SMAD4: variants seen among roughly 807,000 people sequenced by gnomAD.
The protein encoded by SMAD4 is MAD homolog 4.
In SMAD4, 7 loss-of-function variants were observed where a neutral mutation model predicts 63.2. That is an observed-to-expected ratio of 0.11 (90% CI 0.06 to 0.21). The LOEUF is 0.21. SMAD4 is among the 10% of genes least tolerant of loss of function. The pLI is 1.00. For synonymous variants in SMAD4, 215 were observed against 235.4 expected, an observed-to-expected ratio of 0.91 and a Z score of 0.79; for missense variants, 312 against 693.8, an observed-to-expected ratio of 0.45 and a Z score of 6.18.
At chr18:51,064,651 C>T (rs1341378627) in intron 8 of SMAD4, among the ~76,000 whole-genome samples, 5 of 152,194 alleles carry the variant, frequency 3.3e-5, no homozygotes, top group East Asian at 3.8e-4. Flanking sequence ...CAGAGTAGCA[C>T]CTCTTTTTTC....
intron 1 of SMAD4, among the ~76,000 whole-genome samples, chr18:51,034,226 C>G (rs1007490215): frequency 8.0e-5 from 12 of 150,868 alleles, no homozygotes; most frequent in African/African-American, 2.9e-4. Context: ...CCCTTTCTCC[C>G]TTTTTCTTCT....
Position 51,067,247 on chromosome 18 carries a change from T to C in SMAD4, c.1308+60T>C, listed in dbSNP as rs139741673. Reference sequence around the variant, plus strand: ...AAAGCTCTATTTGTTGTCAAAAGAATTGAAATCTGGGTGGAAGGAATGGAA... The same window carrying C: ...AAAGCTCTATTTGTTGTCAAAAGAACTGAAATCTGGGTGGAAGGAATGGAA... On this transcript the variant is annotated intron_variant, in intron 10 of 11. Coordinates refer to ENST00000342988, the MANE Select transcript of SMAD4 (RefSeq NM_005359.6). 1,238 of 965,448 alleles carry C rather than the reference T, an allele frequency of 1.3e-3. 23 individuals carry two copies. The East Asian group carries it at 0.023, about 18-fold the overall frequency. The allele number at this position is 965,448 out of a possible 1,614,324, so 59.8% of individuals were successfully genotyped here.
intron 8 of SMAD4, among the ~76,000 whole-genome samples, chr18:51,062,830 T>G (rs1910050517): frequency 6.8e-6 from 1 of 148,144 alleles, no homozygotes; most frequent in African/African-American, 2.5e-5. Flanking sequence ...CCCTAAACAG[T>G]CTAGTAATCT....
Position 51,082,882 on chromosome 18 carries a change from A to G in SMAD4, c.*4415A>G, listed in dbSNP as rs1055697791. The G allele has an allele frequency of 3.1e-5, 7 of 227,634 alleles. No homozygotes were observed. The Admixed American group carries it at 4.0e-4, about 13-fold the overall frequency. The allele number at this position is 227,634 out of a possible 1,614,324, so 14.1% of individuals were successfully genotyped here. A position where few individuals can be genotyped will look rare whatever the true frequency, so the allele number is the denominator to read the frequency against. On this transcript the variant is annotated 3_prime_UTR_variant, in exon 12 of 12. Coordinates refer to ENST00000342988, the MANE Select transcript of SMAD4 (RefSeq NM_005359.6). ...ACTGCCTAGGCAAGGAAACCAGATAACCAAACTTACTAGAACGTTCTTTAA... is the reference window on the plus strand; with the variant it reads ...ACTGCCTAGGCAAGGAAACCAGATAGCCAAACTTACTAGAACGTTCTTTAA...
In SMAD4 at chr18:51,078,383, T is replaced by C. The variant is rs1348285377; in HGVS notation, c.1575T>C (p.Ile525=). The change falls in exon 12 of 12, where the codon ATT becomes ATC. Residue 525 remains isoleucine, a synonymous_variant. Transcript: ENST00000342988. ...GCATCAAAGAAACACCTTGCTGGAT[T>C]GAAATTCACTTACACCGGGCCCTCC... ...RQSIKETPCW[I]EIHLHRALQL... 6.2e-7 allele frequency: 1 copy of C among 1,614,186 alleles called. No individual in the cohort carries two copies. The highest frequency in any genetic ancestry group is 2.2e-5 in the East Asian group (1 of 44,888).
chr18:51,065,741 ACT>A, intron 9 of SMAD4, 135 bp downstream of exon 9: 1 of 686,794 alleles, frequency 1.5e-6, no homozygotes, highest in Non-Finnish European at 2.3e-6. Flanking sequence ...CATGTTGAAA[ACT>A]CAGAATTTGT....
intron 5 of SMAD4, among the ~76,000 whole-genome samples, chr18:51,055,635 T>C (rs1909825238): frequency 6.6e-6 from 1 of 152,146 alleles, no homozygotes. Context: ...ATGACCTGGT[T>C]CTGTTACTTA....
intron 1 of SMAD4, among the ~76,000 whole-genome samples, chr18:51,030,897 G>A (rs1368263656): frequency 6.6e-6 from 1 of 152,050 alleles, no homozygotes; most frequent in Non-Finnish European, 1.5e-5. Context: ...GACTCCTGCC[G>A]CGGCCGCCGC....
In SMAD4 at chr18:51,038,970, G is replaced by C. The variant is rs528960044; in HGVS notation, c.-127-7950G>C. ...AAACATACAAAAATTAGCTGGGCAT[G>C]GTGGTACATGTCTGTAATCCCAGCT... On this transcript the variant is annotated intron_variant, in intron 1 of 11. Transcript: ENST00000342988. Among the ~76,000 whole-genome samples, 70 of 152,276 alleles carry C rather than the reference G, an allele frequency of 4.6e-4. 1 individual carries two copies. The highest frequency in any genetic ancestry group is 1.6e-3 in the African/African-American group (68 of 41,560).
At chr18:51,060,474 A>G (rs1265145141) in intron 8 of SMAD4, among the ~76,000 whole-genome samples, 3 of 152,220 alleles carry the variant, frequency 2.0e-5, no homozygotes, top group Admixed American at 6.5e-5. Context: ...TTGTAACACA[A>G]ACATAGATTT....
intron 1 of SMAD4, among the ~76,000 whole-genome samples, chr18:51,036,720 C>T (rs1439563916): frequency 6.6e-6 from 1 of 152,050 alleles, no homozygotes; most frequent in Admixed American, 6.5e-5. Context: ...CTAACAGTAC[C>T]TCAGACTTCC....
chr18:51,082,992 T>C lies in SMAD4; in HGVS notation c.*4525T>C, dbSNP rs1000730561. On this transcript the variant is annotated 3_prime_UTR_variant, in exon 12 of 12. Coordinates refer to ENST00000342988, the MANE Select transcript of SMAD4 (RefSeq NM_005359.6). Reference sequence around the variant, plus strand: ...GACCTCATTGTATTGGCATTTGATATCAGTTTGATGTAGCTTAGAGTGCTT... The same window carrying C: ...GACCTCATTGTATTGGCATTTGATACCAGTTTGATGTAGCTTAGAGTGCTT... 1.8e-5 allele frequency: 4 copies of C among 225,784 alleles called. No homozygotes were observed. In the South Asian group the frequency reaches 5.5e-4, roughly 31 times the overall value. 14.0% of individuals were successfully genotyped at this position (225,784 alleles called of 1,614,324 possible). A position where few individuals can be genotyped will look rare whatever the true frequency, so the allele number is the denominator to read the frequency against.
intron 1 of SMAD4, among the ~76,000 whole-genome samples, chr18:51,041,642 CCAGT>C (rs1362495642): frequency 6.6e-6 from 1 of 152,138 alleles, no homozygotes; most frequent in African/African-American, 2.4e-5. Flanking sequence ...ATGACTTTGG[CCAGT>C]CAAACATGAG....
intron 10 of SMAD4, among the ~76,000 whole-genome samples, chr18:51,071,701 C>T (rs375625887): frequency 6.6e-6 from 1 of 152,170 alleles, no homozygotes. Flanking sequence ...CAACATTGTG[C>T]AGTCATTACT....
rs981052923 is a variant in SMAD4 at position 51,030,374 on chromosome 18, G to T, written c.-377G>T. On this transcript the variant is annotated 5_prime_UTR_variant, in exon 1 of 12. Coordinates refer to ENST00000342988, the MANE Select transcript of SMAD4 (RefSeq NM_005359.6). ...TCCCCTAGGCTCCGCGGCCGCCCAG[G>T]GGGTGGGAGCGGGTGAGGGGAGCCA... The T allele has an allele frequency of 6.6e-6, 1 of 151,900 alleles. No individual in the cohort carries two copies. The highest frequency in any genetic ancestry group is 2.4e-5 in the African/African-American group (1 of 41,264). 9.4% of individuals were successfully genotyped at this position (151,900 alleles called of 1,614,324 possible). A position where few individuals can be genotyped will look rare whatever the true frequency, so the allele number is the denominator to read the frequency against.
chr18:51,071,893 C>T (rs921150995), intron 10 of SMAD4, among the ~76,000 whole-genome samples: 24 of 152,188 alleles, frequency 1.6e-4, no homozygotes. Flanking sequence ...TTATGACTTA[C>T]TTCTTTTCAC....
At chr18:51,041,089 C>A (rs1402094185) in intron 1 of SMAD4, among the ~76,000 whole-genome samples, 1 of 152,144 alleles carries the variant, frequency 6.6e-6, no homozygotes. Context: ...GCCCATGCCC[C>A]AGTCTAGGAT....
intron 4 of SMAD4, chr18:51,052,471 C>G (rs1397126828): frequency 5.9e-6 from 1 of 168,182 alleles, no homozygotes; most frequent in Non-Finnish European, 1.3e-5. Context: ...ATCCCAAGTA[C>G]TAGAACAGTA....
rs200386455 is a variant in SMAD4 at position 51,059,923 on chromosome 18, G to A, written c.955+7G>A. 64 of 1,603,136 alleles carry A rather than the reference G, an allele frequency of 4.0e-5. No homozygotes were observed. Among genetic ancestry groups the A allele is most frequent in the South Asian group, 2.7e-4 (25 of 90,912 alleles). ...CCCATTTCCAATCATCCTGGTAAGT[G>A]TATTTCAAAATTGATTTCCTGTATT... is the stretch of plus-strand genomic sequence containing the variant. On this transcript the variant is annotated splice_region_variant and intron_variant, in intron 8 of 11. Coordinates refer to ENST00000342988, the MANE Select transcript of SMAD4 (RefSeq NM_005359.6).
Sources: gnomAD v4.1 joint callset for allele counts (sites outside exome capture counted in the v4.1 genomes callset) on GRCh38, gnomAD v4.1.1 for gene constraint, MANE v1.5 for transcripts, NCBI Gene and HGNC (gene_info 2026-07-23, HGNC 2026-07-21) for gene names.